PTPRT: variants seen among roughly 807,000 people sequenced by gnomAD.
PTPRT encodes the protein receptor-type tyrosine-protein phosphatase T.
A neutral mutation model predicts 176.8 loss-of-function variants in PTPRT; 56 were observed. The ratio of observed to expected loss-of-function variants is 0.32; its 90% CI spans 0.26 to 0.40. The LOEUF is 0.40. Among genes scored for constraint, PTPRT ranks in the 10% least tolerant of loss-of-function variants. PTPRT has a pLI of 1.00. For missense variants in PTPRT, 1,540 were observed against 1,908.2 expected, an observed-to-expected ratio of 0.81 and a Z score of 3.60; for synonymous variants, 783 against 739.0, an observed-to-expected ratio of 1.06 and a Z score of -0.96.
intron 1 of PTPRT, among the ~76,000 whole-genome samples, chr20:43,173,294 G>A (rs764050700): frequency 3.9e-5 from 6 of 152,186 alleles, no homozygotes; most frequent in African/African-American, 7.2e-5. Context: ...GGATCTACAT[G>A]TTCTTCATTT....
At chr20:42,136,232 C>CTTTTTTTT (rs397864699) in intron 18 of PTPRT, among the ~76,000 whole-genome samples, 3 of 63,054 alleles carry the variant, frequency 4.8e-5, no homozygotes, top group African/African-American at 6.8e-5. Context: ...AAGAACAGTG[C>CTTTTTTTT]TTTTTTTTTT....
rs2223544 is a variant in PTPRT, at chr20:42,702,434, G to A, written c.860-24275C>T. On this transcript the variant is annotated intron_variant, in intron 6 of 30. Transcript: ENST00000373187. ...AACCTTGCTGCAGAGGCTTTAAAAG[G>A]CTGGGGTGAAAAGTCATTTGAATGT... is the stretch of plus-strand genomic sequence containing the variant. Among the ~76,000 whole-genome samples, 622 of 152,250 alleles carry A rather than the reference G, an allele frequency of 4.1e-3. 5 individuals carry two copies. Among genetic ancestry groups the A allele is most frequent in the African/African-American group, 0.014 (600 of 41,550 alleles).
In PTPRT at chr20:42,371,109, C is replaced by T. The variant is rs527785613; in HGVS notation, c.1561-18824G>A. ...CATGATTTTGCACAACTTGCAGGAG[C>T]ATTGTTCACACTATAACAATGGGGA... On this transcript the variant is annotated intron_variant, in intron 9 of 30. Transcript: ENST00000373187. Among the ~76,000 whole-genome samples, 14 of 152,318 alleles carry T rather than the reference C, an allele frequency of 9.2e-5. No homozygotes were observed. In the South Asian group the frequency reaches 1.0e-3, roughly 11 times the overall value.
intron 2 of PTPRT, among the ~76,000 whole-genome samples, chr20:42,796,257 A>C (rs187943800): frequency 6.6e-6 from 1 of 152,342 alleles, no homozygotes; most frequent in East Asian, 1.9e-4. Context: ...ATTTACTTAG[A>C]GATACTAGCC....
Position 42,315,909 on chromosome 20 carries a change from G to A in PTPRT, c.1953C>T (p.Ser651=). ...AATCGAGGCTGGAGGCATTCCGATA[G>A]CTCACGGGCACCGAAAAGCACTCAA... ...DIIECFSVPV[S]YRNASSLDSL... Residue 651 remains serine (S), a synonymous_variant, in exon 12 of 31, where the codon AGC becomes AGT. Transcript: ENST00000373187. 9 of 1,614,056 alleles carry A rather than the reference G, an allele frequency of 5.6e-6. No individual in the cohort carries two copies. The highest frequency in any genetic ancestry group is 7.6e-6 in the Non-Finnish European group (9 of 1,180,016).
intron 7 of PTPRT, among the ~76,000 whole-genome samples, chr20:42,578,302 G>C (rs939748678): frequency 6.6e-6 from 1 of 151,986 alleles, no homozygotes; most frequent in African/African-American, 2.4e-5. Context: ...CCCAGTGCAG[G>C]GTAAATGGAG....
At chr20:43,080,307 C>G (rs2011405185) in intron 1 of PTPRT, among the ~76,000 whole-genome samples, 1 of 152,210 alleles carries the variant, frequency 6.6e-6, no homozygotes, top group South Asian at 2.1e-4. Flanking sequence ...GCAGTGACGA[C>G]TACAGAGAGC....
intron 9 of PTPRT, among the ~76,000 whole-genome samples, chr20:42,438,265 T>G (rs2059280693): frequency 6.6e-6 from 1 of 152,218 alleles, no homozygotes; most frequent in Non-Finnish European, 1.5e-5. Flanking sequence ...GGATTCAATT[T>G]AACCGGGAGA....
At chr20:42,300,110 T>C (rs1044997765) in intron 12 of PTPRT, among the ~76,000 whole-genome samples, 8 of 151,638 alleles carry the variant, frequency 5.3e-5, no homozygotes, top group Non-Finnish European at 1.2e-4. Context: ...ATAAAAAAAT[T>C]AGCTGGGCAT....
At chr20:42,656,851 A>G (rs117036823) in intron 7 of PTPRT, among the ~76,000 whole-genome samples, 1,795 of 152,080 alleles carry the variant, frequency 0.012, 14 homozygotes, top group Non-Finnish European at 0.019. Flanking sequence ...CCCCCTTTTC[A>G]CCTATCATAT....
chr20:42,114,582 G>A (rs756721115), intron 22 of PTPRT, among the ~76,000 whole-genome samples: 1 of 152,156 alleles, frequency 6.6e-6, no homozygotes, highest in Admixed American at 6.5e-5. Context: ...ATAATCCTTT[G>A]TTGTCGGAGG....
intron 11 of PTPRT, among the ~76,000 whole-genome samples, chr20:42,345,561 C>CAT (rs200784403): frequency 1.6e-5 from 2 of 128,894 alleles, no homozygotes; most frequent in African/African-American, 2.9e-5. Context: ...CACACACACA[C>CAT]ATATATATAC....
chr20:42,350,226 T>TTGTTGTTTTG (rs1555830527), intron 11 of PTPRT, among the ~76,000 whole-genome samples: 5 of 88,182 alleles, frequency 5.7e-5, no homozygotes, highest in African/African-American at 2.2e-4. Context: ...TTTTTTTTTT[T>TTGTTGTTTTG]TTTTTTTTTT....
chr20:42,223,733 C>T (rs1242689134), intron 15 of PTPRT, among the ~76,000 whole-genome samples: 3 of 152,098 alleles, frequency 2.0e-5, no homozygotes, highest in East Asian at 1.9e-4. Flanking sequence ...CAGATATGAG[C>T]TTAGATTTTT....
At chr20:42,051,819 C>G in the PTPRT span, among the ~76,000 whole-genome samples, 5,886 of 152,310 alleles carry the variant, frequency 0.039, 182 homozygotes, top group Middle Eastern at 0.058. Flanking sequence ...ACGTCGCAGA[C>G]AGCTGTTCTC....
intron 9 of PTPRT, among the ~76,000 whole-genome samples, chr20:42,373,474 C>G (rs751306463): frequency 5.3e-5 from 8 of 152,134 alleles, no homozygotes; most frequent in Non-Finnish European, 1.2e-4. Flanking sequence ...GGAACAGAAT[C>G]CACTCCTTTT....
intron 7 of PTPRT, among the ~76,000 whole-genome samples, chr20:42,569,085 T>A (rs867867187): frequency 1.8e-3 from 107 of 60,668 alleles, no homozygotes; most frequent in Admixed American, 3.5e-3. Flanking sequence ...AAAAAAAATA[T>A]ATATATATAT....
At chr20:42,614,851 T>G (rs2074039034) in intron 7 of PTPRT, among the ~76,000 whole-genome samples, 1 of 151,776 alleles carries the variant, frequency 6.6e-6, no homozygotes, top group Non-Finnish European at 1.5e-5. Flanking sequence ...AAGTCACATC[T>G]TACGTGGATA....
chr20:43,087,294 C>T lies in PTPRT; in HGVS notation c.88+102352G>A, dbSNP rs781257893. Among the ~76,000 whole-genome samples the T allele has an allele frequency of 3.3e-5, 5 of 150,854 alleles. No individual in the cohort carries two copies. In the South Asian group the frequency reaches 8.4e-4, roughly 25 times the overall value. ...TTTTGTTTGTTAACCAATATTGAAC[C>T]GAGACTTCAAAATGGTGCTGGTGGC... is the stretch of plus-strand genomic sequence containing the variant. On this transcript the variant is annotated intron_variant, in intron 1 of 30. Transcript: ENST00000373187.
Sources: allele counts gnomAD v4.1 joint callset (sites outside exome capture counted in the v4.1 genomes callset), GRCh38; gene constraint gnomAD v4.1.1; transcripts MANE v1.5; gene names NCBI Gene and HGNC (gene_info 2026-07-23, HGNC 2026-07-21).